The following NCKAP5 variants were observed in gnomAD, a reference collection of about 807,000 sequenced individuals.
The protein encoded by NCKAP5 is nck-associated protein 5.
A neutral mutation model predicts 167.0 loss-of-function variants in NCKAP5; 92 were observed. The ratio of observed to expected loss-of-function variants is 0.55; its 90% CI spans 0.47 to 0.66. The LOEUF is 0.66. NCKAP5 is among the 30% of genes least tolerant of loss of function. The pLI, the probability that NCKAP5 is intolerant of heterozygous loss-of-function variation, is 0.00. For synonymous variants in NCKAP5, 891 were observed against 877.4 expected, an observed-to-expected ratio of 1.02 and a Z score of -0.27; for missense variants, 2,378 against 2,315.0, an observed-to-expected ratio of 1.03 and a Z score of -0.56.
At chr2:132,810,818 G>T (rs1157293573) in intron 11 of NCKAP5, among the ~76,000 whole-genome samples, 1 of 152,132 alleles carries the variant, frequency 6.6e-6, no homozygotes, top group Non-Finnish European at 1.5e-5. Flanking sequence ...GTGAACTAAT[G>T]TGATTTTTTT....
intron 6 of NCKAP5, among the ~76,000 whole-genome samples, chr2:133,094,733 A>T (rs1010034154): frequency 2.0e-5 from 3 of 152,204 alleles, no homozygotes; most frequent in African/African-American, 4.8e-5. Flanking sequence ...ATCAAAAGAG[A>T]TCATCTAAGT....
intron 3 of NCKAP5, among the ~76,000 whole-genome samples, chr2:133,437,816 C>T (rs1209509064): frequency 1.3e-5 from 2 of 152,186 alleles, no homozygotes; most frequent in East Asian, 3.8e-4. Context: ...AAGTGCCTAC[C>T]ACATACAGTT....
At chr2:132,888,018 T>C (rs1451001805) in intron 8 of NCKAP5, among the ~76,000 whole-genome samples, 3 of 152,224 alleles carry the variant, frequency 2.0e-5, no homozygotes, top group Non-Finnish European at 4.4e-5. Context: ...ATGCCTTCAA[T>C]TGAGATGAGT....
chr2:132,841,493 C>T (rs569901377), intron 11 of NCKAP5, among the ~76,000 whole-genome samples: 1 of 152,000 alleles, frequency 6.6e-6, no homozygotes, highest in Non-Finnish European at 1.5e-5. Context: ...TCTACTTTTC[C>T]AGTATTTATA....
chr2:133,554,477 A>G (rs1045456086), intron 2 of NCKAP5: 7 of 152,178 alleles, frequency 4.6e-5, no homozygotes, highest in South Asian at 2.1e-4. Context: ...ACACATGTCA[A>G]TTTGGCTCTG....
intron 6 of NCKAP5, among the ~76,000 whole-genome samples, chr2:133,033,391 C>G (rs1390013103): frequency 6.6e-6 from 1 of 152,136 alleles, no homozygotes; most frequent in Non-Finnish European, 1.5e-5. Context: ...ATAAGGATGA[C>G]TACAAATAAG....
chr2:133,561,462 T>C (rs748070263), intron 1 of NCKAP5, among the ~76,000 whole-genome samples: 3 of 152,252 alleles, frequency 2.0e-5, no homozygotes, highest in Non-Finnish European at 4.4e-5. Flanking sequence ...TTACATGAGG[T>C]ATCATTTGCT....
At chr2:133,280,470 G>C (rs989521442) in intron 4 of NCKAP5, among the ~76,000 whole-genome samples, 2 of 151,710 alleles carry the variant, frequency 1.3e-5, no homozygotes, top group Non-Finnish European at 2.9e-5. Context: ...GCAGTGGTAC[G>C]ATCTCGGCTC....
chr2:133,072,958 C>T (rs1352036372), intron 6 of NCKAP5, among the ~76,000 whole-genome samples: 2 of 152,004 alleles, frequency 1.3e-5, no homozygotes, highest in South Asian at 2.1e-4. Flanking sequence ...CTAACTACAA[C>T]AAAAAAACTC....
intron 11 of NCKAP5, among the ~76,000 whole-genome samples, chr2:132,842,974 A>G (rs1204333310): frequency 6.6e-6 from 1 of 152,060 alleles, no homozygotes; most frequent in African/African-American, 2.4e-5. Flanking sequence ...TTGATACAAG[A>G]ATTTTCTGGA....
At chr2:133,385,222 T>A (rs557961987) in intron 3 of NCKAP5, among the ~76,000 whole-genome samples, 2 of 152,324 alleles carry the variant, frequency 1.3e-5, no homozygotes, top group South Asian at 4.1e-4. Flanking sequence ...ATACATCCCA[T>A]CAACACCTAA....
intron 3 of NCKAP5, among the ~76,000 whole-genome samples, chr2:133,319,119 T>C (rs1000552046): frequency 2.0e-5 from 3 of 151,906 alleles, no homozygotes; most frequent in African/African-American, 4.8e-5. Flanking sequence ...ATCATTACAA[T>C]CATTCATTCC....
chr2:133,516,142 C>T (rs908332254), intron 3 of NCKAP5, among the ~76,000 whole-genome samples: 4 of 152,162 alleles, frequency 2.6e-5, no homozygotes, highest in Non-Finnish European at 1.5e-5. Flanking sequence ...CTAAGACAGA[C>T]CCTATTGGCA....
chr2:133,280,211 C>T (rs2150458794), intron 4 of NCKAP5, among the ~76,000 whole-genome samples: 2 of 152,218 alleles, frequency 1.3e-5, no homozygotes, highest in East Asian at 3.9e-4. Context: ...CTCATGTACA[C>T]ACATGCATAT....
At chr2:133,308,446 T>C (rs1680962579) in intron 3 of NCKAP5, among the ~76,000 whole-genome samples, 1 of 152,030 alleles carries the variant, frequency 6.6e-6, no homozygotes, top group South Asian at 2.1e-4. Flanking sequence ...GTGTTTTGCC[T>C]GTGTATGTAC....
chr2:133,269,841 T>C (rs1003662002), intron 4 of NCKAP5, among the ~76,000 whole-genome samples: 15 of 152,218 alleles, frequency 9.9e-5, no homozygotes, highest in African/African-American at 3.6e-4. Flanking sequence ...TGGCTTGGAC[T>C]GGGTGATAGC....
At chr2:132,885,292 G>C (rs1692129878) in intron 8 of NCKAP5, among the ~76,000 whole-genome samples, 1 of 152,104 alleles carries the variant, frequency 6.6e-6, no homozygotes, top group Admixed American at 6.5e-5. Flanking sequence ...AGGATAAGCA[G>C]AGAGGGAAAG....
At chr2:132,973,511 C>CAAAG (rs770565847) in intron 7 of NCKAP5, among the ~76,000 whole-genome samples, 3 of 152,148 alleles carry the variant, frequency 2.0e-5, no homozygotes, top group Non-Finnish European at 4.4e-5. Flanking sequence ...TAGACTCACT[C>CAAAG]AAAGGTCTCT....
At chr2:133,349,094 A>G (rs1684174491) in intron 3 of NCKAP5, among the ~76,000 whole-genome samples, 1 of 152,206 alleles carries the variant, frequency 6.6e-6, no homozygotes, top group Admixed American at 6.5e-5. Context: ...TGCTGTGTCA[A>G]ATCTTTTCAC....
Sources: allele counts gnomAD v4.1 joint callset (sites outside exome capture counted in the v4.1 genomes callset), GRCh38; gene constraint gnomAD v4.1.1; transcripts MANE v1.5; gene names NCBI Gene and HGNC (gene_info 2026-07-23, HGNC 2026-07-21).